RFT1: variants seen among roughly 807,000 people sequenced by gnomAD.
RFT1 encodes the protein RFT1 glycolipid translocator homolog.
RFT1 carries 43 observed loss-of-function variants against 62.2 expected under a neutral mutation model. The observed-to-expected ratio is 0.69, with a 90% CI of 0.54 to 0.89. The LOEUF (loss-of-function observed/expected upper bound fraction) is 0.89. RFT1 is among the 40% of genes least tolerant of loss of function. The pLI, the probability that RFT1 is intolerant of heterozygous loss-of-function variation, is 0.00. For synonymous variants in RFT1, 262 were observed against 264.6 expected, an observed-to-expected ratio of 0.99 and a Z score of 0.10; for missense variants, 605 against 649.9, an observed-to-expected ratio of 0.93 and a Z score of 0.75.
chr3:53,067,232 G>T, the RFT1 span, among the ~76,000 whole-genome samples: 1 of 152,208 alleles, frequency 6.6e-6, no homozygotes, highest in South Asian at 2.1e-4. Flanking sequence ...TGTAGTCCCA[G>T]CTACAACTTG....
chr3:53,118,293 T>C lies in RFT1; in HGVS notation c.696+1591A>G, dbSNP rs1008780834. ...ACACTAAGGGGAAGAAGAACTCTTC[T>C]GCACTCTCGGACCTGCTCTGGGGGC... is the stretch of plus-strand genomic sequence containing the variant. On this transcript the variant is annotated intron_variant, in intron 6 of 12. Coordinates refer to ENST00000296292, the MANE Select transcript of RFT1 (RefSeq NM_052859.4). Among the ~76,000 whole-genome samples, 70 of 152,144 alleles carry C rather than the reference T, an allele frequency of 4.6e-4. 1 individual carries two copies. The highest frequency in any genetic ancestry group is 1.7e-3 in the African/African-American group (69 of 41,432).
chr3:53,110,958 A>G (rs141969837), intron 7 of RFT1, among the ~76,000 whole-genome samples: 5 of 152,316 alleles, frequency 3.3e-5, no homozygotes, highest in Admixed American at 3.3e-4. Flanking sequence ...CTGGCCCTCC[A>G]CATTGAGAGC....
At chr3:53,097,234 C>G (rs1473134866) in intron 11 of RFT1, among the ~76,000 whole-genome samples, 2 of 151,606 alleles carry the variant, frequency 1.3e-5, no homozygotes, top group Non-Finnish European at 2.9e-5. Context: ...TTAAAATTCA[C>G]AGAGATTAAA....
chr3:53,120,822 C>A (rs773674533), intron 5 of RFT1, among the ~76,000 whole-genome samples: 1 of 152,200 alleles, frequency 6.6e-6, no homozygotes, highest in Non-Finnish European at 1.5e-5. Context: ...AAAGAAGAGT[C>A]TCACTTTAGT....
intron 6 of RFT1, among the ~76,000 whole-genome samples, chr3:53,112,615 T>C (rs548565108): frequency 1.3e-5 from 2 of 152,112 alleles, no homozygotes; most frequent in African/African-American, 2.4e-5. Flanking sequence ...TGGTGCTACG[T>C]GTCTGTAATC....
chr3:53,124,060 T>G (rs1702043762), intron 2 of RFT1, among the ~76,000 whole-genome samples: 1 of 152,126 alleles, frequency 6.6e-6, no homozygotes, highest in Admixed American at 6.5e-5. Context: ...GTGCCTACAG[T>G]TACGTGAAGG....
rs138419782 is a variant in RFT1, at chr3:53,121,157, G to C, written c.558+542C>G. On this transcript the variant is annotated intron_variant, in intron 5 of 12. Transcript: ENST00000296292. ...TTATTAGAACCAGAAATATGAACTA[G>C]AACTAGGAAACAATGAGATGGAAAT... Among the ~76,000 whole-genome samples, 693 of 152,242 alleles carry C rather than the reference G, an allele frequency of 4.6e-3. 9 individuals carry two copies. Among genetic ancestry groups the C allele is most frequent in the African/African-American group, 0.016 (662 of 41,514 alleles).
intron 10 of RFT1, among the ~76,000 whole-genome samples, chr3:53,102,338 A>G (rs1452882396): frequency 6.6e-6 from 1 of 152,242 alleles, no homozygotes; most frequent in Non-Finnish European, 1.5e-5. Context: ...AAAGCCACGC[A>G]GTCTGTGGTA....
chr3:53,106,521 C>A (rs978920685), intron 8 of RFT1, among the ~76,000 whole-genome samples: 1 of 152,114 alleles, frequency 6.6e-6, no homozygotes, highest in African/African-American at 2.4e-5. Context: ...AAACATGGGG[C>A]AGATTTTTGT....
At chr3:53,082,911 C>G in the RFT1 span, among the ~76,000 whole-genome samples, 55 of 152,266 alleles carry the variant, frequency 3.6e-4, no homozygotes, top group South Asian at 8.9e-3. Flanking sequence ...AAGACAGACA[C>G]AGGGCCGGGC....
At chr3:53,125,428 G>T (rs1702082122) in intron 2 of RFT1, among the ~76,000 whole-genome samples, 1 of 152,186 alleles carries the variant, frequency 6.6e-6, no homozygotes, top group Admixed American at 6.5e-5. Flanking sequence ...AGAAACTGAT[G>T]ACAAAGACTC....
chr3:53,128,836 T>C (rs554348176), intron 1 of RFT1, among the ~76,000 whole-genome samples: 1 of 152,288 alleles, frequency 6.6e-6, no homozygotes, highest in Admixed American at 6.5e-5. Context: ...ACAAAAAGGC[T>C]CTCTCACATC....
In RFT1 at chr3:53,091,915, G is replaced by A. The variant is rs1178288417; in HGVS notation, c.1614C>T (p.Asp538=). The change falls in exon 13 of 13, where the codon GAC becomes GAT. Residue 538 remains aspartate (D), a synonymous_variant. Transcript: ENST00000296292. ...RTQLGVPRRT[D]KMT ...GGCTTCCCTGAAGTCATGTCATTTT[G>A]TCAGTGCGTCTGGGCACACCTAACT... 6.2e-7 allele frequency: 1 copy of A among 1,614,088 alleles called. No homozygotes were observed. Among genetic ancestry groups the A allele is most frequent in the East Asian group, 2.2e-5 (1 of 44,890 alleles).
At chr3:53,071,591 G>A in the RFT1 span, among the ~76,000 whole-genome samples, 1 of 152,200 alleles carries the variant, frequency 6.6e-6, no homozygotes, top group Non-Finnish European at 1.5e-5. Context: ...GACGGGCCCA[G>A]CAGCCATGTT....
chr3:53,115,507 G>A (rs753321677), intron 6 of RFT1, among the ~76,000 whole-genome samples: 20 of 152,200 alleles, frequency 1.3e-4, no homozygotes, highest in Non-Finnish European at 2.1e-4. Flanking sequence ...ACCCTAGCCT[G>A]GCAGCCAGGT....
chr3:53,116,795 G>T (rs1053067852), intron 6 of RFT1, among the ~76,000 whole-genome samples: 1 of 151,338 alleles, frequency 6.6e-6, no homozygotes, highest in Admixed American at 6.6e-5. Context: ...GTAGAGACGG[G>T]GTTTCACCAT....
At chr3:53,104,493 C>T (rs1218613569) in intron 9 of RFT1, among the ~76,000 whole-genome samples, 6 of 152,006 alleles carry the variant, frequency 3.9e-5, no homozygotes, top group African/African-American at 9.7e-5. Context: ...CCTCCCAAAG[C>T]GTGAGGCTTA....
chr3:53,076,596 T>C, the RFT1 span, among the ~76,000 whole-genome samples: 1 of 152,000 alleles, frequency 6.6e-6, no homozygotes, highest in East Asian at 1.9e-4. Flanking sequence ...ATTTGAAGGA[T>C]GGGGAGGAAA....
intron 4 of RFT1, 32 bp downstream of exon 4, chr3:53,122,342 C>T (rs1701992312): frequency 2.5e-6 from 4 of 1,602,010 alleles, no homozygotes; most frequent in Non-Finnish European, 3.4e-6. Flanking sequence ...TTATTCTTCC[C>T]ATTTCCCATT....
Sources: allele counts gnomAD v4.1 joint callset (sites outside exome capture counted in the v4.1 genomes callset), GRCh38; gene constraint gnomAD v4.1.1; transcripts MANE v1.5; gene names NCBI Gene and HGNC (gene_info 2026-07-23, HGNC 2026-07-21).